The following ZNF26 variants were observed in gnomAD, a reference collection of about 807,000 sequenced individuals.
ZNF26 encodes the protein epididymis luminal protein 179.
Under a neutral mutation model 54.9 loss-of-function variants are expected in ZNF26, and 32 were observed. That is an observed-to-expected ratio of 0.58 (90% CI 0.44 to 0.78). The LOEUF is 0.78. ZNF26 is among the 30% of genes least tolerant of loss of function. The probability of loss-of-function intolerance (pLI) is 0.00; values close to 1 mark genes in which losing one functional copy is unlikely to be tolerated. For missense variants in ZNF26, 524 were observed against 634.0 expected (o/e 0.83, Z 1.86); for synonymous variants, 221 against 209.2 (o/e 1.06, Z -0.49).
intron 1 of ZNF26, among the ~76,000 whole-genome samples, chr12:133,003,513 A>G (rs1953264038): frequency 6.6e-6 from 1 of 152,032 alleles, no homozygotes; most frequent in Non-Finnish European, 1.5e-5. Flanking sequence ...TCGGCCTCCC[A>G]AAGTGCTGGG....
chr12:132,992,836 C>T (rs1212915600), intron 1 of ZNF26, among the ~76,000 whole-genome samples: 1 of 147,900 alleles, frequency 6.8e-6, no homozygotes, highest in Non-Finnish European at 1.5e-5. Flanking sequence ...ATATCTACAC[C>T]TTTTGTGGCT....
At chr12:133,002,195 A>G (rs1953233005) in intron 1 of ZNF26, among the ~76,000 whole-genome samples, 2 of 152,056 alleles carry the variant, frequency 1.3e-5, no homozygotes, top group East Asian at 1.9e-4. Context: ...AAAGTTCTGT[A>G]GTTTGCTTGG....
intron 1 of ZNF26, among the ~76,000 whole-genome samples, chr12:132,998,404 A>C (rs1953138683): frequency 6.6e-6 from 1 of 152,144 alleles, no homozygotes; most frequent in Non-Finnish European, 1.5e-5. Flanking sequence ...TGACCTCATG[A>C]TCTGCCCTCC....
intron 1 of ZNF26, among the ~76,000 whole-genome samples, chr12:132,998,172 C>CT (rs60643033): frequency 9.5e-6 from 1 of 105,556 alleles, no homozygotes; most frequent in African/African-American, 3.5e-5. Context: ...TTTTTTTTTT[C>CT]TTTTTTCTTT....
chr12:132,992,257 G>T (rs1952980737), intron 1 of ZNF26, among the ~76,000 whole-genome samples: 1 of 152,074 alleles, frequency 6.6e-6, no homozygotes, highest in African/African-American at 2.4e-5. Flanking sequence ...GTTTGAGAAA[G>T]ACTTTTTTTT....
chr12:132,990,532 G>C (rs1045340077), intron 1 of ZNF26, among the ~76,000 whole-genome samples: 24 of 152,048 alleles, frequency 1.6e-4, no homozygotes, highest in African/African-American at 5.6e-4. Context: ...TCTGGTTTTG[G>C]TATTAGAGCG....
rs1953604194 is a variant in ZNF26 at position 133,019,074 on chromosome 12, T to C, written c.*7593T>C. 6.6e-6 allele frequency: 1 copy of C among 152,154 alleles called. No homozygotes were observed. The highest frequency in any genetic ancestry group is 2.4e-5 in the African/African-American group (1 of 41,438). 9.4% of individuals were successfully genotyped at this position (152,154 alleles called of 1,614,324 possible). A position where few individuals can be genotyped will look rare whatever the true frequency, so the allele number is the denominator to read the frequency against. On this transcript the variant is annotated 3_prime_UTR_variant, in exon 4 of 4. Transcript: ENST00000328654. ...AACAGCAACCATAATAAATCTCCAG[T>C]GGCTTTCTAATATCAGACACAATAG...
intron 1 of ZNF26, among the ~76,000 whole-genome samples, chr12:132,991,136 G>A (rs1208094081): frequency 6.6e-6 from 1 of 151,762 alleles, no homozygotes; most frequent in Non-Finnish European, 1.5e-5. Flanking sequence ...TGGGATTACA[G>A]GCATGAGCCA....
intron 3 of ZNF26, among the ~76,000 whole-genome samples, chr12:133,008,107 C>G (rs1372066100): frequency 2.6e-5 from 4 of 152,054 alleles, no homozygotes; most frequent in Admixed American, 6.6e-5. Context: ...TTTACGCTTT[C>G]CCCCCAGTGT....
intron 3 of ZNF26, among the ~76,000 whole-genome samples, chr12:133,009,407 A>G (rs1953418791): frequency 6.6e-6 from 1 of 152,100 alleles, no homozygotes; most frequent in African/African-American, 2.4e-5. Context: ...AGCCTGGCCA[A>G]CAAGTGAAAC....
chr12:132,990,441 A>G (rs1952923659), intron 1 of ZNF26, among the ~76,000 whole-genome samples: 1 of 152,032 alleles, frequency 6.6e-6, no homozygotes, highest in African/African-American at 2.4e-5. Flanking sequence ...ACATTGTTGT[A>G]TTTTATTTTC....
At chr12:132,999,255 G>T (rs1593649119) in intron 1 of ZNF26, among the ~76,000 whole-genome samples, 2 of 152,028 alleles carry the variant, frequency 1.3e-5, no homozygotes, top group African/African-American at 4.8e-5. Context: ...TAGTTTTTTT[G>T]TTTGTTTGTT....
chr12:133,025,792 A>G lies in ZNF26; in HGVS notation c.*14311A>G, dbSNP rs2137290605. 1 of 152,306 alleles carries G rather than the reference A, an allele frequency of 6.6e-6. No individual in the cohort carries two copies. The highest frequency in any genetic ancestry group is 2.4e-5 in the African/African-American group (1 of 41,544). 9.4% of individuals were successfully genotyped at this position (152,306 alleles called of 1,614,324 possible). On this transcript the variant is annotated 3_prime_UTR_variant, in exon 4 of 4. Transcript: ENST00000328654. ...CCCCGTTTCTATTTAAGAAAGAAAA[A>G]AAAGAATGCAGCAGAGATGAAGCTG...
Position 133,013,780 on chromosome 12 carries a change from C to T in ZNF26, c.*2299C>T. 6.4e-6 allele frequency: 1 copy of T among 156,218 alleles called. No individual in the cohort carries two copies. The highest frequency in any genetic ancestry group is 1.4e-5 in the Non-Finnish European group (1 of 69,834). The allele number at this position is 156,218 out of a possible 1,614,324, so 9.7% of individuals were successfully genotyped here. ...TTTGAATAGGAGTATCTGGGAAGAA[C>T]CTGAGGACTCAGCCTAGCAAACTCT... is the stretch of plus-strand genomic sequence containing the variant. On this transcript the variant is annotated 3_prime_UTR_variant, in exon 4 of 4. Coordinates refer to ENST00000328654, the MANE Select transcript of ZNF26 (RefSeq NM_019591.4).
chr12:133,009,328 C>G (rs937851267), intron 3 of ZNF26, among the ~76,000 whole-genome samples: 1 of 152,188 alleles, frequency 6.6e-6, no homozygotes, highest in African/African-American at 2.4e-5. Context: ...CACAGTGGCT[C>G]ACACCTGTAA....
chr12:132,993,644 C>A (rs892927190), intron 1 of ZNF26, among the ~76,000 whole-genome samples: 1 of 151,670 alleles, frequency 6.6e-6, no homozygotes, highest in Non-Finnish European at 1.5e-5. Context: ...TTAGTAGAGA[C>A]GGGGTTTCAC....
chr12:133,010,235 C>T lies in ZNF26; in HGVS notation c.356C>T (p.Thr119Ile), dbSNP rs796096841. The T allele has an allele frequency of 3.1e-6, 5 of 1,613,754 alleles. No homozygotes were observed. The highest frequency in any genetic ancestry group is 3.3e-5 in the Admixed American group (2 of 59,964). Residue 119 changes from threonine to isoleucine, a missense_variant, in exon 4 of 4, where the codon ACC becomes ATC. Physicochemically the swap from Thr to Ile is moderately conservative, Grantham distance 89. Coordinates refer to ENST00000328654, the MANE Select transcript of ZNF26 (RefSeq NM_019591.4). ...TTGGGAAGACTTAATCTGAGCAAAA[C>T]CCATGATTCTTCAAGACAGAGACTC... Reference protein sequence around the residue: ...SVLGRLNLSKTHDSSRQRLYN... With the variant: ...SVLGRLNLSKIHDSSRQRLYN...
chr12:133,005,893 T>G (rs1953313835), intron 1 of ZNF26: 3 of 164,946 alleles, frequency 1.8e-5, no homozygotes, highest in Non-Finnish European at 3.8e-5. Context: ...TCTGGTATTC[T>G]GTTATAAAAA....
At position 133,001,778 on chromosome 12, in the gene ZNF26, C is replaced by A; in HGVS notation, c.34-5264C>A. 8.9e-7 allele frequency: 1 copy of A among 1,128,046 alleles called. No homozygotes were observed. The highest frequency in any genetic ancestry group is 1.2e-6 in the Non-Finnish European group (1 of 842,658). The allele number at this position is 1,128,046 out of a possible 1,614,324, so 69.9% of individuals were successfully genotyped here. On this transcript the variant is annotated intron_variant, in intron 1 of 3. Transcript: ENST00000328654. This position sits in a 1 kb window ranked among gnomAD's most constrained non-coding sequence, Gnocchi z 4.7. ...CCCTGTTTGAGGTGAGCTGCTGAAC[C>A]CTCACTCCCCAGCTGCCTTTTGAGA...
Sources: gnomAD v4.1 joint callset for allele counts (sites outside exome capture counted in the v4.1 genomes callset) on GRCh38, gnomAD v4.1.1 for gene constraint, Gnocchi (gnomAD v3.1) non-coding constraint, MANE v1.5 for transcripts, NCBI Gene and HGNC (gene_info 2026-07-23, HGNC 2026-07-21) for gene names.